Variants in ASB18 observed in about 807,000 individuals in gnomAD.
ASB18 encodes the protein ankyrin repeat and SOCS box containing 18.
In ASB18, 33 loss-of-function variants were observed where a neutral mutation model predicts 33.4. The observed-to-expected ratio is 0.99, with a 90% CI of 0.75 to 1.32. The LOEUF (loss-of-function observed/expected upper bound fraction) is 1.32, where lower values mean the gene tolerates loss of function less well. Ranked by LOEUF, ASB18 falls within the 40% of genes most tolerant of loss-of-function variation. The pLI, the probability that ASB18 is intolerant of heterozygous loss-of-function variation, is 0.00. For missense variants in ASB18, 694 were observed against 655.5 expected, an observed-to-expected ratio of 1.06 and a Z score of -0.64; for synonymous variants, 295 against 307.6, an observed-to-expected ratio of 0.96 and a Z score of 0.43.
At position 236,237,381 on chromosome 2, in the gene ASB18, CGGGGCG is replaced by C. The variant is rs766870760; in HGVS notation, c.596+302_596+307del. Among the ~76,000 whole-genome samples the C allele has an allele frequency of 0.095, 5,804 of 61,234 alleles. 618 individuals are homozygous for C. Among genetic ancestry groups the C allele is most frequent in the African/African-American group, 0.25 (2,616 of 10,348 alleles). The allele number at this position is 61,234 out of a possible 152,430, so 40.2% of individuals were successfully genotyped here. On this transcript the variant is annotated intron_variant, in intron 3 of 5. Coordinates refer to ENST00000409749, the MANE Select transcript of ASB18 (RefSeq NM_212556.4). This position sits in a 1 kb window ranked among gnomAD's most constrained non-coding sequence, Gnocchi z 6.2. The stretch of plus-strand genomic sequence containing the variant: ...CGGGGCGGGGGCCGGGGCCGGGGCG[CGGGGCG>C]GGGGCCGGGGCCGGGGCGCGGGGCG...
In ASB18 at chr2:236,256,590, T is replaced by C. The variant is rs2060693235; in HGVS notation, c.205+7551A>G. On this transcript the variant is annotated intron_variant, in intron 1 of 5. Coordinates refer to ENST00000409749, the MANE Select transcript of ASB18 (RefSeq NM_212556.4). The surrounding 1 kb of genome is among the most constrained non-coding windows in gnomAD (Gnocchi z 4.7). ...GCCTCTCCGCTATTATTCTCATTGC[T>C]TTTTGTTCTTTCCAAACTCTCCAGT... Among the ~76,000 whole-genome samples, 1 of 152,226 alleles carries C rather than the reference T, an allele frequency of 6.6e-6. No individual in the cohort carries two copies. Among genetic ancestry groups the C allele is most frequent in the Non-Finnish European group, 1.5e-5 (1 of 68,036 alleles).
intron 1 of ASB18, chr2:236,247,697 T>C (rs988312696): frequency 6.6e-6 from 1 of 152,210 alleles, no homozygotes; most frequent in Non-Finnish European, 1.5e-5. Context: ...GGTTTTATCT[T>C]CTCTGCCAAC....
In ASB18 at chr2:236,221,875, C is replaced by T. The variant is rs1258915682; in HGVS notation, c.597-7009G>A. Among the ~76,000 whole-genome samples, 1 of 152,136 alleles carries T rather than the reference C, an allele frequency of 6.6e-6. No homozygotes were observed. Among genetic ancestry groups the T allele is most frequent in the Non-Finnish European group, 1.5e-5 (1 of 68,028 alleles). ...TGAATTACTGTTACTGCTGCTTTTC[C>T]TCCTCAGAGATGACACGGAGGCAGA... On this transcript the variant is annotated intron_variant, in intron 3 of 5. Transcript: ENST00000409749. The surrounding 1 kb of genome is among the most constrained non-coding windows in gnomAD (Gnocchi z 5.6).
intron 1 of ASB18, among the ~76,000 whole-genome samples, chr2:236,246,714 T>G (rs1308389499): frequency 6.6e-6 from 1 of 152,220 alleles, no homozygotes; most frequent in East Asian, 1.9e-4. Context: ...CATGATGGGC[T>G]TCAGTCTCAT....
intron 1 of ASB18, among the ~76,000 whole-genome samples, chr2:236,243,329 CAAA>C (rs34711903): frequency 4.6e-5 from 5 of 109,094 alleles, no homozygotes; most frequent in Non-Finnish European, 1.9e-5. Context: ...GACTCCATCT[CAAA>C]AAAAAAAAAA....
chr2:236,206,512 C>T (rs967655962), intron 4 of ASB18, among the ~76,000 whole-genome samples: 1 of 152,170 alleles, frequency 6.6e-6, no homozygotes, highest in East Asian at 1.9e-4. Context: ...AGTTGGGAAG[C>T]ACCAGGTTCT....
rs561101686 is a variant in ASB18, at chr2:236,209,978, C to T, written c.1101+4384G>A. Among the ~76,000 whole-genome samples the T allele has an allele frequency of 1.2e-4, 19 of 152,358 alleles. No individual in the cohort carries two copies. Among genetic ancestry groups the T allele is most frequent in the South Asian group, 1.2e-3 (6 of 4,830 alleles). On this transcript the variant is annotated intron_variant, in intron 4 of 5. Transcript: ENST00000409749. This position sits in a 1 kb window ranked among gnomAD's most constrained non-coding sequence, Gnocchi z 4.4. ...TTCAGCCTTCAGATCTCGGCTCACTCATCACACACTTGAGGGAGCCTTGGA... is the reference window on the plus strand; with the variant it reads ...TTCAGCCTTCAGATCTCGGCTCACTTATCACACACTTGAGGGAGCCTTGGA...
At position 236,231,194 on chromosome 2, in the gene ASB18, A is replaced by G. The variant is rs1291787615; in HGVS notation, c.596+6495T>C. On this transcript the variant is annotated intron_variant, in intron 3 of 5. Coordinates refer to ENST00000409749, the MANE Select transcript of ASB18 (RefSeq NM_212556.4). The surrounding 1 kb of genome is among the most constrained non-coding windows in gnomAD (Gnocchi z 5.5). The stretch of plus-strand genomic sequence containing the variant: ...TAAATTACAGAAGATTGTAAATTCC[A>G]TCTTGCAAGCAGATTGTCTCTATTG... Among the ~76,000 whole-genome samples the G allele has an allele frequency of 1.3e-5, 2 of 152,194 alleles. No individual in the cohort carries two copies. The highest frequency in any genetic ancestry group is 3.9e-4 in the East Asian group (2 of 5,190).
In ASB18 at chr2:236,262,358, C is replaced by CA. The variant is rs2060722800; in HGVS notation, c.205+1782dup. 6.6e-6 allele frequency among the ~76,000 whole-genome samples: 1 copy of CA among 152,216 alleles called. No homozygotes were observed. The highest frequency in any genetic ancestry group is 2.4e-5 in the African/African-American group (1 of 41,462). ...ACAGGAGACCACTTACAGGTGGCAG[C>CA]AGCCACAGCGGATGGCCATTCCTAA... is the stretch of plus-strand genomic sequence containing the variant. On this transcript the variant is annotated intron_variant, in intron 1 of 5. Transcript: ENST00000409749. The surrounding 1 kb of genome is among the most constrained non-coding windows in gnomAD (Gnocchi z 5.2).
rs57072692 is a variant in ASB18 at position 236,238,630 on chromosome 2, T to TGC, written c.329-675_329-674insGC. Among the ~76,000 whole-genome samples, 2 of 151,290 alleles carry TGC rather than the reference T, an allele frequency of 1.3e-5. No homozygotes were observed. Among genetic ancestry groups the TGC allele is most frequent in the Non-Finnish European group, 2.9e-5 (2 of 67,808 alleles). ...TTAGGGGTGTGTGTGTGTGTGTGTG[T>TGC]AGGGTTGCTCTTTCTTGAGGGATGA... On this transcript the variant is annotated intron_variant, in intron 2 of 5. Coordinates refer to ENST00000409749, the MANE Select transcript of ASB18 (RefSeq NM_212556.4). The surrounding 1 kb of genome is among the most constrained non-coding windows in gnomAD (Gnocchi z 5.2).
At position 236,196,587 on chromosome 2, in the gene ASB18, C is replaced by T. The variant is rs569620812; in HGVS notation, c.1102-202G>A. On this transcript the variant is annotated intron_variant, in intron 4 of 5. Transcript: ENST00000409749. This position sits in a 1 kb window ranked among gnomAD's most constrained non-coding sequence, Gnocchi z 5.6. ...TAGTGCACACAAAGACACAAGGCAA[C>T]GGCTCTGCAAGGGAGCCCTCCTTCC... 5.3e-5 allele frequency among the ~76,000 whole-genome samples: 8 copies of T among 152,306 alleles called. No individual in the cohort carries two copies. In the East Asian group the frequency reaches 5.8e-4, roughly 11 times the overall value.
Position 236,196,672 on chromosome 2 carries a change from G to C in ASB18, c.1102-287C>G, listed in dbSNP as rs534615103. Among the ~76,000 whole-genome samples, 2 of 152,336 alleles carry C rather than the reference G, an allele frequency of 1.3e-5. No homozygotes were observed. The highest frequency in any genetic ancestry group is 2.4e-5 in the African/African-American group (1 of 41,566). On this transcript the variant is annotated intron_variant, in intron 4 of 5. Coordinates refer to ENST00000409749, the MANE Select transcript of ASB18 (RefSeq NM_212556.4). The surrounding 1 kb of genome is among the most constrained non-coding windows in gnomAD (Gnocchi z 5.6). ...AGTGCTTAAGCATTCAGGTTCCCAG[G>C]GGGGCTATGCTGGTGGCTTGGCAGG...
chr2:236,233,735 A>G (rs2060577026), intron 3 of ASB18, among the ~76,000 whole-genome samples: 2 of 152,234 alleles, frequency 1.3e-5, no homozygotes, highest in Non-Finnish European at 2.9e-5. Flanking sequence ...CCTAAAAACT[A>G]TCAAACACAG....
Position 236,240,879 on chromosome 2 carries a change from G to A in ASB18, c.328+401C>T, listed in dbSNP as rs574264897. Among the ~76,000 whole-genome samples the A allele has an allele frequency of 1.7e-3, 260 of 152,282 alleles. 1 individual carries two copies. Among genetic ancestry groups the A allele is most frequent in the African/African-American group, 6.1e-3 (255 of 41,554 alleles). On this transcript the variant is annotated intron_variant, in intron 2 of 5. Coordinates refer to ENST00000409749, the MANE Select transcript of ASB18 (RefSeq NM_212556.4). Reference sequence around the variant, plus strand: ...CCCTGCTGTAGCTGTGGCATTTGCAGATTCATAAAGGACCTCACACAGAGC... The same window carrying A: ...CCCTGCTGTAGCTGTGGCATTTGCAAATTCATAAAGGACCTCACACAGAGC...
intron 1 of ASB18, among the ~76,000 whole-genome samples, chr2:236,242,441 C>A (rs1360686996): frequency 6.6e-6 from 1 of 152,174 alleles, no homozygotes; most frequent in East Asian, 1.9e-4. Context: ...CCACTCCCAG[C>A]TCTTGTATGG....
At position 236,231,081 on chromosome 2, in the gene ASB18, C is replaced by T. The variant is rs995576707; in HGVS notation, c.596+6608G>A. Among the ~76,000 whole-genome samples, 4 of 152,176 alleles carry T rather than the reference C, an allele frequency of 2.6e-5. No individual in the cohort carries two copies. Among genetic ancestry groups the T allele is most frequent in the Non-Finnish European group, 5.9e-5 (4 of 68,034 alleles). On this transcript the variant is annotated intron_variant, in intron 3 of 5. Transcript: ENST00000409749. This position sits in a 1 kb window ranked among gnomAD's most constrained non-coding sequence, Gnocchi z 5.5. ...TCTATCTTCTGGTGTCCATGCTCTT[C>T]TCTCCTCTCCTTGAGCGTGGGCAGA...
Position 236,221,907 on chromosome 2 carries a change from A to G in ASB18, c.597-7041T>C, listed in dbSNP as rs1466755473. 1.3e-5 allele frequency among the ~76,000 whole-genome samples: 2 copies of G among 152,166 alleles called. No individual in the cohort carries two copies. The highest frequency in any genetic ancestry group is 2.9e-5 in the Non-Finnish European group (2 of 68,038). On this transcript the variant is annotated intron_variant, in intron 3 of 5. Transcript: ENST00000409749. The surrounding 1 kb of genome is among the most constrained non-coding windows in gnomAD (Gnocchi z 5.6). ...GAGATGACACGGAGGCAGATGGGCT[A>G]GAGACATGTCCCAGGGGAAGGGTGG...
In ASB18 at chr2:236,241,393, T is replaced by C; in HGVS notation, c.215A>G (p.Asp72Gly). ...CTGGTCCATGAGGGGCTTCAGATGGTCGAGGTCCCCTGCGACCAGGGCAGT... is the reference window on the plus strand; with the variant it reads ...CTGGTCCATGAGGGGCTTCAGATGGCCGAGGTCCCCTGCGACCAGGGCAGT... ...LPTGMLLGDL[D>G]HLKPLMDQFF... The change falls in exon 2 of 6, where the codon GAC becomes GGC. Residue 72 changes from aspartate to glycine, a missense_variant. Transcript: ENST00000409749. This position sits in a 1 kb window ranked among gnomAD's most constrained non-coding sequence, Gnocchi z 4.2. The C allele has an allele frequency of 6.2e-7, 1 of 1,613,994 alleles. No individual in the cohort carries two copies. Among genetic ancestry groups the C allele is most frequent in the Non-Finnish European group, 8.5e-7 (1 of 1,179,888 alleles).
rs10177957 is a variant in ASB18 at position 236,195,054 on chromosome 2, G to T, written c.1219C>A (p.His407Asn). 193,938 of 1,605,874 alleles carry T rather than the reference G, an allele frequency of 0.12. 12,548 individuals are homozygous for T. The highest frequency in any genetic ancestry group is 0.17 in the African/African-American group (12,549 of 74,768). Reference sequence around the variant, plus strand: ...AAGAGGGACTGGTAGAACGGCTTGTGCATCTGGAAGGGAAGGCAGGTGGAT... The same window carrying T: ...AAGAGGGACTGGTAGAACGGCTTGTTCATCTGGAAGGGAAGGCAGGTGGAT... ...EVIPEEVFQM[H>N]KPFYQSLFAL... The change falls in exon 6 of 6, where the codon CAC becomes AAC. Residue 407 changes from histidine to asparagine, a missense_variant. His to Asn is a moderately conservative substitution (Grantham distance 68, BLOSUM62 1). Coordinates refer to ENST00000409749, the MANE Select transcript of ASB18 (RefSeq NM_212556.4). This position sits in a 1 kb window ranked among gnomAD's most constrained non-coding sequence, Gnocchi z 5.5.
Sources: gnomAD v4.1 joint callset for allele counts (sites outside exome capture counted in the v4.1 genomes callset) on GRCh38, gnomAD v4.1.1 for gene constraint, Gnocchi (gnomAD v3.1) non-coding constraint, MANE v1.5 for transcripts, NCBI Gene and HGNC (gene_info 2026-07-23, HGNC 2026-07-21) for gene names.